The following ZFAT variants were observed in gnomAD, a reference collection of about 807,000 sequenced individuals.
The protein encoded by ZFAT is zinc finger protein ZFAT.
Under a neutral mutation model 117.7 loss-of-function variants are expected in ZFAT, and 64 were observed. The ratio of observed to expected loss-of-function variants is 0.54; its 90% confidence interval spans 0.44 to 0.67. The LOEUF is 0.67. ZFAT is among the 30% of genes least tolerant of loss of function. The pLI is 0.00. For missense variants in ZFAT, 1,433 were observed against 1,584.5 expected (o/e 0.90, Z 1.62); for synonymous variants, 679 against 615.0 (o/e 1.10, Z -1.54).
the ZFAT span, chr8:134,793,112 C>T: frequency 6.6e-6 from 1 of 152,076 alleles, no homozygotes; most frequent in Admixed American, 6.6e-5. Flanking sequence ...TGGAGGGGAC[C>T]CTGCTTAAAA....
At chr8:134,509,788 C>T in intron 14 of ZFAT, 39 bp from the exon 15 acceptor site, 2 of 1,556,854 alleles carry the variant, frequency 1.3e-6, no homozygotes, top group Non-Finnish European at 1.7e-6. Flanking sequence ...ATTCAGGCCA[C>T]TGGTGCTGAA....
At chr8:134,535,474 T>TCCCCCC (rs1821760548) in intron 11 of ZFAT, among the ~76,000 whole-genome samples, 1 of 95,104 alleles carries the variant, frequency 1.1e-5, no homozygotes, top group African/African-American at 4.2e-5. Flanking sequence ...CAGAGCTCCC[T>TCCCCCC]CTCCCCCTCC....
chr8:134,495,301 G>C (rs1398612965), intron 15 of ZFAT, among the ~76,000 whole-genome samples: 1 of 152,136 alleles, frequency 6.6e-6, no homozygotes, highest in Non-Finnish European at 1.5e-5. Context: ...ATTGTGTTCT[G>C]ACATGGTGGA....
intron 6 of ZFAT, among the ~76,000 whole-genome samples, chr8:134,601,176 A>T (rs905467969): frequency 1.3e-5 from 2 of 152,180 alleles, no homozygotes; most frequent in Non-Finnish European, 2.9e-5. Flanking sequence ...GCTCAACTTT[A>T]AACTTGTCAT....
At position 134,602,589 on chromosome 8, in the gene ZFAT, T is replaced by C. The variant is rs1827582603; in HGVS notation, c.1130A>G (p.His377Arg). 1.2e-6 allele frequency: 2 copies of C among 1,614,140 alleles called. No homozygotes were observed. The highest frequency in any genetic ancestry group is 1.7e-6 in the Non-Finnish European group (2 of 1,180,040). ...TTTGACCTTCTTGTCCTGTGGGTCA[T>C]GCGCGTCTCGGATGTGCTTGATGAG... ...KNLIKHIRDA[H>R]DPQDKKVKEA... Residue 377 changes from histidine to arginine, a missense_variant, in exon 6 of 16, where the codon CAT becomes CGT. By Grantham distance (29) the His-to-Arg change is conservative (BLOSUM62 0). Coordinates refer to ENST00000377838, the MANE Select transcript of ZFAT (RefSeq NM_020863.4).
the ZFAT span, among the ~76,000 whole-genome samples, chr8:134,825,758 T>G: frequency 6.6e-6 from 1 of 152,238 alleles, no homozygotes; most frequent in Admixed American, 6.5e-5. Context: ...CGGTGGCTCA[T>G]GCCTGTAATC....
At chr8:134,512,160 C>G (rs1439337335) in intron 14 of ZFAT, among the ~76,000 whole-genome samples, 1 of 152,268 alleles carries the variant, frequency 6.6e-6, no homozygotes, top group Non-Finnish European at 1.5e-5. Context: ...AAGCAACCTT[C>G]TGCATCTGTG....
At chr8:134,819,144 A>C in the ZFAT span, among the ~76,000 whole-genome samples, 60 of 152,174 alleles carry the variant, frequency 3.9e-4, no homozygotes, top group Non-Finnish European at 2.5e-4. Context: ...ATACATTCTC[A>C]ACAACAACAA....
At chr8:134,692,863 G>A (rs529266089) in intron 1 of ZFAT, among the ~76,000 whole-genome samples, 14 of 152,242 alleles carry the variant, frequency 9.2e-5, no homozygotes, top group African/African-American at 3.4e-4. Flanking sequence ...GTATAGTCCA[G>A]GACTGAGCAA....
chr8:134,502,830 G>A (rs1346612120), intron 15 of ZFAT, among the ~76,000 whole-genome samples: 2 of 152,258 alleles, frequency 1.3e-5, no homozygotes, highest in Non-Finnish European at 2.9e-5. Flanking sequence ...TCATGGGGAA[G>A]AGGTGGGTGC....
intron 15 of ZFAT, among the ~76,000 whole-genome samples, chr8:134,493,967 T>C (rs1023999784): frequency 2.2e-4 from 34 of 152,108 alleles, no homozygotes; most frequent in Non-Finnish European, 4.1e-4. Flanking sequence ...GCAGGCAGAG[T>C]TCCCCCCTCC....
At chr8:134,722,628 T>C in the ZFAT span, among the ~76,000 whole-genome samples, 1 of 152,228 alleles carries the variant, frequency 6.6e-6, no homozygotes, top group African/African-American at 2.4e-5. Flanking sequence ...CCTCTCACTT[T>C]GCAGATGAGG....
At chr8:134,734,160 G>A in the ZFAT span, among the ~76,000 whole-genome samples, 1 of 152,322 alleles carries the variant, frequency 6.6e-6, no homozygotes, top group South Asian at 2.1e-4. Context: ...GCTGTGGGCT[G>A]CTTCTGCCAC....
At position 134,602,197 on chromosome 8, in the gene ZFAT, G is replaced by T. The variant is rs772842935; in HGVS notation, c.1522C>A (p.Gln508Lys). The T allele has an allele frequency of 6.2e-7, 1 of 1,613,496 alleles. No homozygotes were observed. Among genetic ancestry groups the T allele is most frequent in the South Asian group, 1.1e-5 (1 of 91,080 alleles). ...AGCTGGTCCCCCAGAGCTTCTTGCT[G>T]GATGTCCCCACCAGGTTCCAGGAGG... The part of the protein sequence containing the change: ...FCLLEPGGDI[Q>K]QEALGDQLQL... Residue 508 changes from glutamine to lysine, a missense_variant, in exon 6 of 16, where the codon CAG (glutamine) becomes AAG (lysine). Around this residue, in one of 5 missense-constraint regions of ZFAT, gnomAD observed 372 missense variants for 355.6 expected, o/e 1.05. Transcript: ENST00000377838.
the ZFAT span, among the ~76,000 whole-genome samples, chr8:134,750,746 A>G: frequency 2.0e-5 from 3 of 152,186 alleles, no homozygotes; most frequent in Non-Finnish European, 4.4e-5. Flanking sequence ...AGCCTGGATG[A>G]CAGAGCGAGA....
chr8:134,785,686 T>G, the ZFAT span: 4 of 151,980 alleles, frequency 2.6e-5, no homozygotes, highest in South Asian at 8.4e-4. Flanking sequence ...TAGATTTACA[T>G]GTCTATCCTG....
intron 3 of ZFAT, among the ~76,000 whole-genome samples, 155 bp downstream of exon 3, chr8:134,637,306 T>C (rs540178923): frequency 3.4e-4 from 52 of 152,236 alleles, no homozygotes; most frequent in Admixed American, 7.2e-4. Flanking sequence ...CTTACGGTAA[T>C]AGTCATCATT....
chr8:134,753,326 A>G, the ZFAT span, among the ~76,000 whole-genome samples: 78 of 152,292 alleles, frequency 5.1e-4, no homozygotes, highest in African/African-American at 1.8e-3. Context: ...GGAAATTAGG[A>G]GGGAGAGACA....
chr8:134,694,230 C>T (rs761260841), intron 1 of ZFAT, among the ~76,000 whole-genome samples: 1 of 152,182 alleles, frequency 6.6e-6, no homozygotes, highest in Non-Finnish European at 1.5e-5. Flanking sequence ...TAAAGGGTGT[C>T]GCTGGGACAA....
Sources: gnomAD v4.1 joint callset for allele counts (sites outside exome capture counted in the v4.1 genomes callset) on GRCh38, gnomAD v4.1.1 for gene constraint, gnomAD v4.1.1 regional missense constraint, MANE v1.5 for transcripts, NCBI Gene and HGNC (gene_info 2026-07-23, HGNC 2026-07-21) for gene names.